Variants in DOCK1 observed in about 807,000 individuals in gnomAD.
DOCK1 encodes dedicator of cytokinesis protein 1.
Under a neutral mutation model 262.7 loss-of-function variants are expected in DOCK1, and 138 were observed. That is an observed-to-expected ratio of 0.53 (90% CI 0.46 to 0.61). The LOEUF is 0.61. Ranked by LOEUF, DOCK1 falls within the 20% of genes least tolerant of loss-of-function variation. The pLI is 0.00. For synonymous variants in DOCK1, 866 were observed against 867.4 expected (o/e 1.00, Z 0.03); for missense variants, 1,908 against 2,370.7 (o/e 0.80, Z 4.05).
At chr10:127,443,092 TG>T (rs1292311394) in intron 49 of DOCK1, among the ~76,000 whole-genome samples, 6 of 152,188 alleles carry the variant, frequency 3.9e-5, no homozygotes, top group Non-Finnish European at 1.5e-5. Flanking sequence ...TCCTCCTGTC[TG>T]GGGGTTTGCT....
At chr10:127,391,147 A>G (rs577572845) in intron 38 of DOCK1, among the ~76,000 whole-genome samples, 44 of 152,238 alleles carry the variant, frequency 2.9e-4, no homozygotes, top group Non-Finnish European at 5.3e-4. Flanking sequence ...ATGGGGACTC[A>G]AGTCTGGAAA....
intron 29 of DOCK1, among the ~76,000 whole-genome samples, chr10:127,304,205 G>T (rs2061792781): frequency 6.6e-6 from 1 of 152,164 alleles, no homozygotes; most frequent in African/African-American, 2.4e-5. Flanking sequence ...CGGAGCTGAG[G>T]CTGCGGAGCA....
chr10:127,165,009 T>C (rs1386710310), intron 27 of DOCK1, among the ~76,000 whole-genome samples: 2 of 152,212 alleles, frequency 1.3e-5, no homozygotes, highest in Admixed American at 1.3e-4. Context: ...TATTGAAAAT[T>C]AATGAAAATG....
intron 28 of DOCK1, among the ~76,000 whole-genome samples, chr10:127,255,442 T>G (rs2059798625): frequency 1.3e-5 from 2 of 152,004 alleles, no homozygotes. Flanking sequence ...CAGGAATAAA[T>G]CCACATTGAA....
intron 13 of DOCK1, among the ~76,000 whole-genome samples, chr10:127,020,949 TCCTTATGAAGGATCC>T (rs2042378310): frequency 1.3e-5 from 2 of 152,146 alleles, no homozygotes; most frequent in East Asian, 3.9e-4. Flanking sequence ...ACTCCTGGAA[TCCTTATGAAGGATCC>T]AGGCAGGCGA....
intron 23 of DOCK1, among the ~76,000 whole-genome samples, chr10:127,090,690 T>C (rs1170521534): frequency 1.3e-5 from 2 of 152,102 alleles, no homozygotes; most frequent in Non-Finnish European, 2.9e-5. Flanking sequence ...AACCACGAAT[T>C]TGTTTTCTGT....
At chr10:127,234,425 C>A (rs942098401) in intron 27 of DOCK1, among the ~76,000 whole-genome samples, 1 of 152,080 alleles carries the variant, frequency 6.6e-6, no homozygotes, top group Non-Finnish European at 1.5e-5. Flanking sequence ...TAAAAAAGCA[C>A]TCCCTCCAAA....
chr10:126,931,961 A>C (rs1019270955), intron 1 of DOCK1, among the ~76,000 whole-genome samples: 3 of 152,184 alleles, frequency 2.0e-5, no homozygotes, highest in Non-Finnish European at 4.4e-5. Context: ...CAGGTAGTAG[A>C]AAGGCATTAA....
chr10:127,056,862 C>T (rs1047331015), intron 22 of DOCK1, among the ~76,000 whole-genome samples: 11 of 152,146 alleles, frequency 7.2e-5, no homozygotes, highest in Admixed American at 1.3e-4. Flanking sequence ...TCTAAAATGG[C>T]TGAGAAGATA....
At chr10:127,421,078 G>T (rs559444958) in intron 46 of DOCK1, among the ~76,000 whole-genome samples, 4 of 151,840 alleles carry the variant, frequency 2.6e-5, no homozygotes, top group Non-Finnish European at 5.9e-5. Context: ...CACCATGCCC[G>T]GCTAATTTTT....
rs527838302 is a variant in DOCK1 at position 127,152,880 on chromosome 10, C to G, written c.2847+25116C>G. Among the ~76,000 whole-genome samples, 48 of 152,264 alleles carry G rather than the reference C, an allele frequency of 3.2e-4. No homozygotes were observed. The South Asian group carries it at 9.7e-3, about 31-fold the overall frequency. On this transcript the variant is annotated intron_variant, in intron 27 of 51. Coordinates refer to ENST00000623213, the MANE Select transcript of DOCK1 (RefSeq NM_001290223.2). ...GCTTTTGCTTTTAAGGAACCTGGGC[C>G]CTATCTGGGATGCTCTGTCTGGATC...
At chr10:127,221,211 A>G (rs1347207359) in intron 27 of DOCK1, among the ~76,000 whole-genome samples, 1 of 152,230 alleles carries the variant, frequency 6.6e-6, no homozygotes, top group East Asian at 1.9e-4. Flanking sequence ...AAAGGTTGGA[A>G]GAAATCGTAA....
At chr10:127,371,011 A>G (rs1340023621) in intron 33 of DOCK1, among the ~76,000 whole-genome samples, 1 of 152,258 alleles carries the variant, frequency 6.6e-6, no homozygotes, top group Non-Finnish European at 1.5e-5. Flanking sequence ...TATCCCAGCC[A>G]TAGAGAACCT....
chr10:127,230,759 TTTTTTTG>T (rs1426261811), intron 27 of DOCK1, among the ~76,000 whole-genome samples: 1 of 151,854 alleles, frequency 6.6e-6, no homozygotes, highest in Non-Finnish European at 1.5e-5. Flanking sequence ...GGTTTTTTGT[TTTTTTTG>T]TTTTTTGTTT....
intron 27 of DOCK1, among the ~76,000 whole-genome samples, chr10:127,190,602 T>C (rs1449158467): frequency 6.7e-6 from 1 of 150,340 alleles, no homozygotes; most frequent in Non-Finnish European, 1.5e-5. Flanking sequence ...ATGAAAAACT[T>C]ATTTTTTAAA....
Position 127,446,621 on chromosome 10 carries a change from T to C in DOCK1, c.5414-773T>C, listed in dbSNP as rs1003800287. On this transcript the variant is annotated intron_variant, in intron 50 of 51. Transcript: ENST00000623213. This position sits in a 1 kb window ranked among gnomAD's most constrained non-coding sequence, Gnocchi z 4.4. ...TAGCATGCATTTTCCTAATAAAGGATTTTTCATCAGATGAATCCTAGGGGA... is the reference window on the plus strand; with the variant it reads ...TAGCATGCATTTTCCTAATAAAGGACTTTTCATCAGATGAATCCTAGGGGA... 6.6e-6 allele frequency among the ~76,000 whole-genome samples: 1 copy of C among 152,126 alleles called. No homozygotes were observed. Among genetic ancestry groups the C allele is most frequent in the African/African-American group, 2.4e-5 (1 of 41,422 alleles).
rs533915566 is a variant in DOCK1 at position 127,428,059 on chromosome 10, C to T, written c.4914+2048C>T. 8.7e-4 allele frequency among the ~76,000 whole-genome samples: 133 copies of T among 152,340 alleles called. 2 individuals are homozygous for T. The South Asian group carries it at 0.026, about 29-fold the overall frequency. ...TGTGCAAGTCAGAATGCTAGAGTAGCGCTTGATAGCTTCAGAGCCTGCAAC... is the reference window on the plus strand; with the variant it reads ...TGTGCAAGTCAGAATGCTAGAGTAGTGCTTGATAGCTTCAGAGCCTGCAAC... On this transcript the variant is annotated intron_variant, in intron 47 of 51. Coordinates refer to ENST00000623213, the MANE Select transcript of DOCK1 (RefSeq NM_001290223.2).
At chr10:127,443,299 T>C (rs2070310639) in intron 49 of DOCK1, among the ~76,000 whole-genome samples, 1 of 152,202 alleles carries the variant, frequency 6.6e-6, no homozygotes, top group South Asian at 2.1e-4. Context: ...GAGGAAAGAA[T>C]TCAGCCAAGA....
At chr10:127,404,546 A>G (rs1181816705) in intron 40 of DOCK1, 117 bp downstream of exon 40, 2 of 912,962 alleles carry the variant, frequency 2.2e-6, no homozygotes, top group Non-Finnish European at 3.4e-6. Context: ...AACTCTCTAC[A>G]CTGCCATAGC....
Sources: allele counts gnomAD v4.1 joint callset (sites outside exome capture counted in the v4.1 genomes callset), GRCh38; gene constraint gnomAD v4.1.1; non-coding constraint Gnocchi (gnomAD v3.1); transcripts MANE v1.5; gene names NCBI Gene and HGNC (gene_info 2026-07-23, HGNC 2026-07-21).